The following C13orf46 variants were observed in gnomAD, a reference collection of about 807,000 sequenced individuals.
C13orf46 encodes the protein chromosome 13 open reading frame 46, also known as uncharacterized protein C13orf46.
the C13orf46 span, among the ~76,000 whole-genome samples, chr13:113,935,129 G>C: frequency 9.1e-4 from 138 of 152,316 alleles, no homozygotes; most frequent in African/African-American, 3.1e-3. Flanking sequence ...CACAGCCCGA[G>C]GGGGGGAACA....
the C13orf46 span, chr13:113,928,932 G>A: frequency 1.3e-5 from 2 of 152,372 alleles, no homozygotes; most frequent in Non-Finnish European, 2.9e-5. Context: ...GAGAACTTAG[G>A]CGCTGTGCCT....
intron 1 of C13orf46, among the ~76,000 whole-genome samples, chr13:113,970,901 G>A (rs1046671929): frequency 3.3e-5 from 5 of 152,192 alleles, no homozygotes; most frequent in African/African-American, 7.2e-5. Context: ...GTTGGCCACC[G>A]GCTTGCACCG....
downstream of C13orf46, among the ~76,000 whole-genome samples, chr13:113,952,089 C>T (rs1421275686): frequency 2.6e-5 from 4 of 152,234 alleles, no homozygotes; most frequent in South Asian, 4.1e-4. Flanking sequence ...AACTGAGACT[C>T]GCCCTTTCCC....
chr13:113,970,602 G>T (rs1199535439), intron 1 of C13orf46, among the ~76,000 whole-genome samples: 1 of 152,108 alleles, frequency 6.6e-6, no homozygotes, highest in African/African-American at 2.4e-5. Context: ...CGGGAGGGTG[G>T]GAGAAGCCCA....
At chr13:113,958,314 T>G (rs1208590373) in intron 6 of C13orf46, among the ~76,000 whole-genome samples, 2 of 152,166 alleles carry the variant, frequency 1.3e-5, no homozygotes, top group Non-Finnish European at 2.9e-5. Context: ...CTGTGGTGAG[T>G]GGCGGATGAG....
At position 113,955,432 on chromosome 13, in the gene C13orf46, A is replaced by C; in HGVS notation, c.*1341T>G. 1 of 158,990 alleles carries C rather than the reference A, an allele frequency of 6.3e-6. No homozygotes were observed. The highest frequency in any genetic ancestry group is 1.3e-5 in the Non-Finnish European group (1 of 75,876). The allele number at this position is 158,990 out of a possible 1,614,324, so 9.8% of individuals were successfully genotyped here. ...GGCGGTGACGAGGAGCATCCGGCGGAGATGAGGAGCATCCGGTGGAGAGGA... is the reference window on the plus strand; with the variant it reads ...GGCGGTGACGAGGAGCATCCGGCGGCGATGAGGAGCATCCGGTGGAGAGGA... On this transcript the variant is annotated 3_prime_UTR_variant, in exon 7 of 7. Transcript: ENST00000636427.
At chr13:113,972,621 G>A (rs1198301022) in intron 1 of C13orf46, among the ~76,000 whole-genome samples, 2 of 152,184 alleles carry the variant, frequency 1.3e-5, no homozygotes, top group East Asian at 1.9e-4. Context: ...CCGTCCGTTC[G>A]GCACACCTGG....
intron 5 of C13orf46, among the ~76,000 whole-genome samples, chr13:113,965,540 TGATA>T (rs2052626680): frequency 6.6e-6 from 1 of 152,158 alleles, no homozygotes; most frequent in African/African-American, 2.4e-5. Flanking sequence ...ATTATGGTGG[TGATA>T]ATGTTGATGG....
rs992025921 is a variant in C13orf46, at chr13:113,965,854, G to A, written c.505-860C>T. Among the ~76,000 whole-genome samples, 580 of 125,204 alleles carry A rather than the reference G, an allele frequency of 4.6e-3. 5 individuals are homozygous for A. The highest frequency in any genetic ancestry group is 0.016 in the African/African-American group (515 of 32,734). 82.1% of individuals were successfully genotyped at this position (125,204 alleles called of 152,430 possible). ...AATGGTGATGGTGATGATGGTGATG[G>A]TGGTGATGATGGTGATGGTGATGAT... is the stretch of plus-strand genomic sequence containing the variant. On this transcript the variant is annotated intron_variant, in intron 5 of 6. Transcript: ENST00000636427.
At position 113,956,077 on chromosome 13, in the gene C13orf46, T is replaced by C. The variant is rs1438957366; in HGVS notation, c.*696A>G. The C allele has an allele frequency of 7.1e-6, 1 of 140,420 alleles. No homozygotes were observed. Among genetic ancestry groups the C allele is most frequent in the African/African-American group, 2.9e-5 (1 of 34,120 alleles). The allele number at this position is 140,420 out of a possible 1,614,324, so 8.7% of individuals were successfully genotyped here. ...GATCTGGCGGAGAGGAGGAGTAGGA[T>C]CTGGCGGAGAGGTGGAGTAGTATCT... is the stretch of plus-strand genomic sequence containing the variant. On this transcript the variant is annotated 3_prime_UTR_variant, in exon 7 of 7. Transcript: ENST00000636427.
chr13:113,936,201 C>A, the C13orf46 span, among the ~76,000 whole-genome samples: 2 of 152,184 alleles, frequency 1.3e-5, no homozygotes, highest in Non-Finnish European at 2.9e-5. Flanking sequence ...AAGTAACTGC[C>A]AGCGGCTTCT....
At chr13:113,963,683 C>T (rs1237233115) in intron 6 of C13orf46, among the ~76,000 whole-genome samples, 3 of 151,590 alleles carry the variant, frequency 2.0e-5, no homozygotes, top group African/African-American at 7.3e-5. Context: ...TCAGCCACGG[C>T]CCCTGTCCTC....
chr13:113,965,680 G>T, intron 5 of C13orf46, among the ~76,000 whole-genome samples: 1 of 114,822 alleles, frequency 8.7e-6, no homozygotes, highest in Admixed American at 8.8e-5. Context: ...AATGGTGATG[G>T]TGATGATGAT....
intron 1 of C13orf46, among the ~76,000 whole-genome samples, chr13:113,971,822 G>A (rs1443550737): frequency 6.6e-6 from 1 of 152,232 alleles, no homozygotes; most frequent in Non-Finnish European, 1.5e-5. Flanking sequence ...CCAGTGGTCA[G>A]CAAGGCCCGG....
chr13:113,928,915 G>T, the C13orf46 span: 1 of 152,546 alleles, frequency 6.6e-6, no homozygotes. Context: ...CTGTGAGCTT[G>T]GCAGGGGAGA....
the C13orf46 span, among the ~76,000 whole-genome samples, chr13:113,945,660 G>GAA: frequency 2.9e-5 from 4 of 137,256 alleles, no homozygotes; most frequent in African/African-American, 8.0e-5. Flanking sequence ...AAGAAAGAAA[G>GAA]AAAGAAAGAA....
At chr13:113,949,215 C>G (rs2052480181), downstream of C13orf46, among the ~76,000 whole-genome samples, 3 of 152,274 alleles carry the variant, frequency 2.0e-5, no homozygotes, top group African/African-American at 7.2e-5. Flanking sequence ...CCCACCTCCC[C>G]ACTCTCTTCA....
chr13:113,961,001 G>C (rs2052582439), intron 6 of C13orf46, among the ~76,000 whole-genome samples: 1 of 152,322 alleles, frequency 6.6e-6, no homozygotes, highest in Admixed American at 6.5e-5. Flanking sequence ...GGTTTTTACA[G>C]CAATGTAACT....
the C13orf46 span, among the ~76,000 whole-genome samples, chr13:113,945,594 A>AG: frequency 8.0e-3 from 1,017 of 127,606 alleles, 8 homozygotes; most frequent in Middle Eastern, 0.037. Flanking sequence ...AGAGAGAGAG[A>AG]AAGAAAGAAA....
Sources: gnomAD v4.1 joint callset for allele counts (sites outside exome capture counted in the v4.1 genomes callset) on GRCh38, gnomAD v4.1.1 for gene constraint, MANE v1.5 for transcripts, NCBI Gene and HGNC (gene_info 2026-07-23, HGNC 2026-07-21) for gene names.